Variants in MTUS2 observed in about 807,000 individuals in gnomAD.
MTUS2 encodes microtubule-associated tumor suppressor candidate 2.
In MTUS2, 40 loss-of-function variants were observed where a neutral mutation model predicts 114.1. The ratio of observed to expected loss-of-function variants is 0.35; its 90% confidence interval spans 0.27 to 0.46. MTUS2 has a LOEUF of 0.46. Ranked by LOEUF, MTUS2 falls within the 20% of genes least tolerant of loss-of-function variation. The pLI is 1.00. For missense variants in MTUS2, 1,679 were observed against 1,705.4 expected (o/e 0.98, Z 0.27); for synonymous variants, 688 against 672.0 (o/e 1.02, Z -0.37).
intron 9 of MTUS2, among the ~76,000 whole-genome samples, chr13:29,460,969 C>G (rs1002538245): frequency 6.6e-6 from 1 of 150,820 alleles, no homozygotes; most frequent in Admixed American, 6.6e-5. Context: ...TAGTGAGTTT[C>G]TAAACCAGGT....
In MTUS2 at chr13:28,977,004, C is replaced by A. The variant is rs563811951; in HGVS notation, c.-242-47453C>A. Among the ~76,000 whole-genome samples, 13 of 152,216 alleles carry A rather than the reference C, an allele frequency of 8.5e-5. No individual in the cohort carries two copies. The South Asian group carries it at 2.7e-3, about 32-fold the overall frequency. On this transcript the variant is annotated intron_variant, in intron 2 of 15. Transcript: ENST00000612955. Reference sequence around the variant, plus strand: ...TAGGTTTTATGATATACCCTTCCCCCCTTTGAGTTTGATGCCATGGGAATA... The same window carrying A: ...TAGGTTTTATGATATACCCTTCCCCACTTTGAGTTTGATGCCATGGGAATA...
At chr13:29,294,014 A>G (rs894394799) in intron 6 of MTUS2, among the ~76,000 whole-genome samples, 66 of 152,250 alleles carry the variant, frequency 4.3e-4, no homozygotes, top group African/African-American at 1.5e-3. Flanking sequence ...TGTTCTTTCT[A>G]TATTGTCAGA....
chr13:29,366,848 G>A (rs1870764194), intron 8 of MTUS2, among the ~76,000 whole-genome samples: 1 of 152,224 alleles, frequency 6.6e-6, no homozygotes, highest in Non-Finnish European at 1.5e-5. Context: ...TCTAGCAGGA[G>A]TTAAGAGACC....
intron 5 of MTUS2, among the ~76,000 whole-genome samples, chr13:29,264,331 T>A (rs11618201): frequency 2.0e-5 from 3 of 152,136 alleles, no homozygotes; most frequent in Non-Finnish European, 4.4e-5. Context: ...GCTGCTCTCA[T>A]GGGCTGGAGT....
In MTUS2 at chr13:29,480,935, A is replaced by G. The variant is rs779508395; in HGVS notation, c.3399+571A>G. 2.6e-5 allele frequency among the ~76,000 whole-genome samples: 4 copies of G among 152,300 alleles called. No homozygotes were observed. The highest frequency in any genetic ancestry group is 2.0e-4 in the Admixed American group (3 of 15,298). ...CAGTTCCCCTAACGAGGAAGGTACC[A>G]TTCTTATTCCCATTTTACACGGAAG... On this transcript the variant is annotated intron_variant, in intron 10 of 15. Coordinates refer to ENST00000612955, the MANE Select transcript of MTUS2 (RefSeq NM_001033602.4). The surrounding 1 kb of genome is among the most constrained non-coding windows in gnomAD (Gnocchi z 4.4).
chr13:29,191,639 C>G (rs1894454361), intron 5 of MTUS2, among the ~76,000 whole-genome samples: 1 of 152,154 alleles, frequency 6.6e-6, no homozygotes. Flanking sequence ...CTGAATCCCC[C>G]TGGCCTCCTG....
At chr13:29,214,397 C>T (rs1434292865) in intron 5 of MTUS2, among the ~76,000 whole-genome samples, 4 of 152,160 alleles carry the variant, frequency 2.6e-5, no homozygotes, top group Non-Finnish European at 5.9e-5. Context: ...TTAATCCTGT[C>T]ATCATGATGC....
At chr13:29,488,163 A>G in intron 11 of MTUS2, 158 bp downstream of exon 11, 1 of 622,220 alleles carries the variant, frequency 1.6e-6, no homozygotes, top group Non-Finnish European at 2.8e-6. Context: ...AAAAGAAGAG[A>G]TAGGAATTAA....
chr13:29,436,657 A>C (rs1877428612), intron 8 of MTUS2, among the ~76,000 whole-genome samples: 3 of 152,130 alleles, frequency 2.0e-5, no homozygotes, highest in Admixed American at 1.3e-4. Context: ...CTGAACTTGC[A>C]AAAGGGTGGA....
chr13:28,906,466 G>T (rs546369761), intron 2 of MTUS2, among the ~76,000 whole-genome samples: 3 of 151,098 alleles, frequency 2.0e-5, no homozygotes, highest in Admixed American at 6.6e-5. Flanking sequence ...CTTTGTTCTC[G>T]TTAGTTTCAA....
intron 5 of MTUS2, among the ~76,000 whole-genome samples, chr13:29,137,274 A>G (rs186947058): frequency 1.3e-5 from 2 of 152,002 alleles, no homozygotes; most frequent in African/African-American, 4.8e-5. Context: ...ACTGCTTTCA[A>G]AATTATCTCT....
At chr13:29,495,594 G>A (rs1013640801) in intron 12 of MTUS2, among the ~76,000 whole-genome samples, 2 of 152,046 alleles carry the variant, frequency 1.3e-5, no homozygotes, top group Non-Finnish European at 2.9e-5. Flanking sequence ...TGGGAGGCTA[G>A]GAATGGTGGC....
At chr13:29,305,501 A>G (rs541662213) in intron 6 of MTUS2, among the ~76,000 whole-genome samples, 22 of 152,202 alleles carry the variant, frequency 1.4e-4, no homozygotes, top group Admixed American at 1.4e-3. Context: ...CAGAAATACT[A>G]TAAATATCTC....
intron 8 of MTUS2, among the ~76,000 whole-genome samples, chr13:29,379,630 A>AC (rs1872049248): frequency 6.6e-6 from 1 of 152,134 alleles, no homozygotes; most frequent in Non-Finnish European, 1.5e-5. Flanking sequence ...CCAGAAGGGA[A>AC]CAAGTGCCTG....
At chr13:29,222,739 G>C (rs994697958) in intron 5 of MTUS2, among the ~76,000 whole-genome samples, 1 of 152,230 alleles carries the variant, frequency 6.6e-6, no homozygotes, top group African/African-American at 2.4e-5. Flanking sequence ...AGGCATCTCT[G>C]CACTCTCAGG....
intron 5 of MTUS2, among the ~76,000 whole-genome samples, chr13:29,109,184 TAAAG>T (rs1049099646): frequency 6.6e-6 from 1 of 152,200 alleles, no homozygotes; most frequent in African/African-American, 2.4e-5. Flanking sequence ...AACAGACAAA[TAAAG>T]ATTGTGTATA....
intron 8 of MTUS2, among the ~76,000 whole-genome samples, chr13:29,395,222 T>C (rs1463090841): frequency 1.3e-5 from 2 of 152,212 alleles, no homozygotes; most frequent in East Asian, 3.9e-4. Flanking sequence ...GCTGGTCAGT[T>C]GTGCCTGAGT....
chr13:28,847,443 T>C (rs1290594571), intron 2 of MTUS2, among the ~76,000 whole-genome samples: 1 of 151,958 alleles, frequency 6.6e-6, no homozygotes, highest in Admixed American at 6.6e-5. Context: ...AGAGGATCTC[T>C]AGAAATGGGG....
chr13:29,437,947 C>CAA (rs60962567), intron 8 of MTUS2, among the ~76,000 whole-genome samples: 150 of 136,418 alleles, frequency 1.1e-3, no homozygotes, highest in African/African-American at 4.0e-3. Context: ...GATCTTATCT[C>CAA]AAAAAAAAAA....
Sources: allele counts gnomAD v4.1 joint callset (sites outside exome capture counted in the v4.1 genomes callset), GRCh38; gene constraint gnomAD v4.1.1; non-coding constraint Gnocchi (gnomAD v3.1); transcripts MANE v1.5; gene names NCBI Gene and HGNC (gene_info 2026-07-23, HGNC 2026-07-21).